The following PSMD12 variants were observed in gnomAD, a reference collection of about 807,000 sequenced individuals.
The protein encoded by PSMD12 is 26S proteasome non-ATPase regulatory subunit 12.
A neutral mutation model predicts 62.9 loss-of-function variants in PSMD12; 8 were observed. The ratio of observed to expected loss-of-function variants is 0.13; its 90% CI spans 0.07 to 0.23. The LOEUF is 0.23. Among genes scored for constraint, PSMD12 ranks in the 10% least tolerant of loss-of-function variants. PSMD12 has a pLI of 1.00. For synonymous variants in PSMD12, 173 were observed against 187.4 expected, an observed-to-expected ratio of 0.92 and a Z score of 0.63; for missense variants, 424 against 550.2, an observed-to-expected ratio of 0.77 and a Z score of 2.29.
intron 1 of PSMD12, among the ~76,000 whole-genome samples, chr17:67,360,331 T>C (rs1449234043): frequency 2.0e-5 from 3 of 152,268 alleles, no homozygotes; most frequent in Non-Finnish European, 2.9e-5. Flanking sequence ...GAATCACACA[T>C]TGGCCTAAAG....
At chr17:67,344,125 C>T (rs760488586) in intron 9 of PSMD12, among the ~76,000 whole-genome samples, 2 of 152,126 alleles carry the variant, frequency 1.3e-5, no homozygotes, top group East Asian at 1.9e-4. Flanking sequence ...TACAACATAA[C>T]GGCAGTGATA....
chr17:67,360,092 T>C (rs747694826), intron 1 of PSMD12, among the ~76,000 whole-genome samples: 5 of 148,734 alleles, frequency 3.4e-5, no homozygotes, highest in Non-Finnish European at 7.5e-5. Context: ...TCCCCTACTG[T>C]ACTAGTTTAA....
chr17:67,366,228 C>A (rs757792790), intron 1 of PSMD12, among the ~76,000 whole-genome samples, 184 bp downstream of exon 1: 1 of 152,202 alleles, frequency 6.6e-6, no homozygotes, highest in Non-Finnish European at 1.5e-5. Flanking sequence ...AAGCTATAGG[C>A]GCTGGCGTAC....
intron 9 of PSMD12, among the ~76,000 whole-genome samples, chr17:67,344,340 A>G (rs2041943261): frequency 6.6e-6 from 1 of 152,190 alleles, no homozygotes; most frequent in Non-Finnish European, 1.5e-5. Flanking sequence ...ATAGGGAAAA[A>G]ACCCAAGATG....
Position 67,357,724 on chromosome 17 carries a change from T to C in PSMD12, c.109-146A>G, listed in dbSNP as rs1353039990. The C allele has an allele frequency of 3.9e-6, 3 of 763,178 alleles. No individual in the cohort carries two copies. In the Admixed American group the frequency reaches 8.1e-5, roughly 21 times the overall value. The allele number at this position is 763,178 out of a possible 1,614,324, so 47.3% of individuals were successfully genotyped here. A position where few individuals can be genotyped will look rare whatever the true frequency, so the allele number is the denominator to read the frequency against. ...CTACCCATAACTAGTTTTGTTTCTC[T>C]CCTTTTCATGATAGTGCTTCCTTCT... On this transcript the variant is annotated intron_variant, in intron 1 of 10. Transcript: ENST00000356126.
intron 5 of PSMD12, 94 bp from the exon 6 acceptor site, chr17:67,347,579 AAAT>A: frequency 4.0e-6 from 5 of 1,259,612 alleles, no homozygotes; most frequent in African/African-American, 3.0e-5. Context: ...CATCCTTGTT[AAAT>A]AATAAGAACC....
At chr17:67,364,502 T>C (rs188880907) in intron 1 of PSMD12, among the ~76,000 whole-genome samples, 25 of 152,376 alleles carry the variant, frequency 1.6e-4, no homozygotes, top group East Asian at 9.6e-4. Context: ...GTATTTCTCA[T>C]AGTGTCTAAC....
At chr17:67,363,767 C>T (rs1158290479) in intron 1 of PSMD12, among the ~76,000 whole-genome samples, 2 of 152,002 alleles carry the variant, frequency 1.3e-5, no homozygotes, top group Admixed American at 6.6e-5. Context: ...AAATAAAAAG[C>T]AGCTGGGCAC....
At chr17:67,361,775 A>G (rs1164710170) in intron 1 of PSMD12, among the ~76,000 whole-genome samples, 2 of 151,478 alleles carry the variant, frequency 1.3e-5, no homozygotes, top group Non-Finnish European at 2.9e-5. Flanking sequence ...AAAGAAATGA[A>G]AAGACATTAA....
chr17:67,346,721 T>C (rs1362357000), intron 7 of PSMD12, among the ~76,000 whole-genome samples: 2 of 152,208 alleles, frequency 1.3e-5, no homozygotes, highest in African/African-American at 2.4e-5. Context: ...TCAGCTGACA[T>C]TTTTCTTGAC....
Position 67,340,130 on chromosome 17 carries a change from G to T in PSMD12, c.*713C>A, listed in dbSNP as rs954384972. On this transcript the variant is annotated 3_prime_UTR_variant, in exon 11 of 11. Coordinates refer to ENST00000356126, the MANE Select transcript of PSMD12 (RefSeq NM_002816.5). ...AAAAAAAGTAGTCACTATCCCTATA[G>T]AGCGGACTTAACACCCAATAAACTG... The T allele has an allele frequency of 2.2e-5, 3 of 135,366 alleles. No individual in the cohort carries two copies. The highest frequency in any genetic ancestry group is 3.1e-5 in the Non-Finnish European group (2 of 64,098). The allele number at this position is 135,366 out of a possible 1,614,324, so 8.4% of individuals were successfully genotyped here. A position where few individuals can be genotyped will look rare whatever the true frequency, so the allele number is the denominator to read the frequency against.
At chr17:67,343,424 A>C (rs548747764) in intron 9 of PSMD12, among the ~76,000 whole-genome samples, 1 of 151,970 alleles carries the variant, frequency 6.6e-6, no homozygotes, top group African/African-American at 2.4e-5. Flanking sequence ...CTAGTCTCCT[A>C]TCTCTCCAAA....
At chr17:67,348,183 T>A (rs1041234830) in intron 5 of PSMD12, among the ~76,000 whole-genome samples, 1 of 152,180 alleles carries the variant, frequency 6.6e-6, no homozygotes, top group Non-Finnish European at 1.5e-5. Context: ...TATGTGTAAC[T>A]TTATAAGAAA....
chr17:67,360,599 C>A (rs1223053913), intron 1 of PSMD12, among the ~76,000 whole-genome samples: 1 of 152,210 alleles, frequency 6.6e-6, no homozygotes, highest in Non-Finnish European at 1.5e-5. Flanking sequence ...TGAGCTGCAT[C>A]ACACCAAGCA....
intron 3 of PSMD12, among the ~76,000 whole-genome samples, chr17:67,353,092 G>A (rs545258081): frequency 5.3e-5 from 8 of 152,080 alleles, no homozygotes; most frequent in Non-Finnish European, 1.2e-4. Context: ...GGGGACTACT[G>A]TACATTAATA....
Position 67,365,762 on chromosome 17 carries a change from T to C in PSMD12, c.108+650A>G, listed in dbSNP as rs7208394. Among the ~76,000 whole-genome samples, 1,069 of 152,218 alleles carry C rather than the reference T, an allele frequency of 7.0e-3. 17 individuals are homozygous for C. The highest frequency in any genetic ancestry group is 0.025 in the African/African-American group (1,029 of 41,516). On this transcript the variant is annotated intron_variant, in intron 1 of 10. Coordinates refer to ENST00000356126, the MANE Select transcript of PSMD12 (RefSeq NM_002816.5). ...CTCCACCCCACCTCAATCTTACTAATTCCTCAAGACCCAATACAAACGTCA... is the reference window on the plus strand; with the variant it reads ...CTCCACCCCACCTCAATCTTACTAACTCCTCAAGACCCAATACAAACGTCA...
rs1189957973 is a variant in PSMD12, at chr17:67,341,622, G to A, written c.1161+564C>T. Among the ~76,000 whole-genome samples the A allele has an allele frequency of 2.0e-5, 3 of 152,226 alleles. No homozygotes were observed. The South Asian group carries it at 6.2e-4, about 32-fold the overall frequency. Reference sequence around the variant, plus strand: ...GCCTCCTTGCAAGCTCAATACTGCTGGTATCCATGCCAACGGCAAGTTGGT... The same window carrying A: ...GCCTCCTTGCAAGCTCAATACTGCTAGTATCCATGCCAACGGCAAGTTGGT... On this transcript the variant is annotated intron_variant, in intron 10 of 10. Coordinates refer to ENST00000356126, the MANE Select transcript of PSMD12 (RefSeq NM_002816.5).
intron 3 of PSMD12, among the ~76,000 whole-genome samples, chr17:67,355,772 A>G (rs1485519327): frequency 6.6e-6 from 1 of 152,156 alleles, no homozygotes; most frequent in African/African-American, 2.4e-5. Context: ...AAAACACTAA[A>G]AGAGAACTTA....
intron 3 of PSMD12, among the ~76,000 whole-genome samples, chr17:67,356,386 G>A (rs955420299): frequency 1.4e-4 from 21 of 150,290 alleles, no homozygotes; most frequent in South Asian, 2.1e-4. Flanking sequence ...GTGAAACCCC[G>A]TCTCTACTAA....
Sources: allele counts gnomAD v4.1 joint callset (sites outside exome capture counted in the v4.1 genomes callset), GRCh38; gene constraint gnomAD v4.1.1; transcripts MANE v1.5; gene names NCBI Gene and HGNC (gene_info 2026-07-23, HGNC 2026-07-21).